TBC1D5: variants seen among roughly 807,000 people sequenced by gnomAD.
TBC1D5 encodes the protein TBC1 domain family, member 5.
TBC1D5 carries 75 observed loss-of-function variants against 100.3 expected under a neutral mutation model. The ratio of observed to expected loss-of-function variants is 0.75; its 90% CI spans 0.62 to 0.91. The LOEUF is 0.91. Among genes scored for constraint, TBC1D5 ranks in the 40% least tolerant of loss-of-function variants. TBC1D5 has a pLI of 0.00. For synonymous variants in TBC1D5, 323 were observed against 325.6 expected, an observed-to-expected ratio of 0.99 and a Z score of 0.09; for missense variants, 910 against 942.4, an observed-to-expected ratio of 0.97 and a Z score of 0.45.
intron 13 of TBC1D5, among the ~76,000 whole-genome samples, chr3:17,343,576 G>A (rs1182439624): frequency 2.0e-5 from 3 of 148,418 alleles, no homozygotes; most frequent in African/African-American, 2.5e-5. Flanking sequence ...GGTAGAATTC[G>A]GCTGTGAATC....
chr3:17,405,175 T>C (rs2093739596), intron 5 of TBC1D5, among the ~76,000 whole-genome samples: 1 of 151,970 alleles, frequency 6.6e-6, no homozygotes, highest in African/African-American at 2.4e-5. Context: ...AAAAGCAAGA[T>C]AACAAAAGCT....
chr3:17,232,278 T>G (rs2075489849), intron 17 of TBC1D5, among the ~76,000 whole-genome samples: 1 of 152,190 alleles, frequency 6.6e-6, no homozygotes, highest in East Asian at 1.9e-4. Flanking sequence ...TAAATTGGGC[T>G]CCATATCCTA....
At chr3:17,345,947 A>G (rs2089799886) in intron 13 of TBC1D5, among the ~76,000 whole-genome samples, 1 of 151,914 alleles carries the variant, frequency 6.6e-6, no homozygotes, top group South Asian at 2.1e-4. Context: ...GAGGGATAGC[A>G]TTAGGAGATA....
intron 21 of TBC1D5, among the ~76,000 whole-genome samples, chr3:17,165,382 T>C (rs1413479324): frequency 6.6e-6 from 1 of 152,198 alleles, no homozygotes; most frequent in African/African-American, 2.4e-5. Context: ...AGAAATGCAT[T>C]GTGGTTGGGC....
intron 13 of TBC1D5, among the ~76,000 whole-genome samples, chr3:17,324,465 A>G (rs2085830521): frequency 6.6e-6 from 1 of 152,154 alleles, no homozygotes; most frequent in African/African-American, 2.4e-5. Flanking sequence ...AACATGGTGA[A>G]GCCTTGTGTC....
chr3:17,178,489 T>G (rs1350171621), intron 19 of TBC1D5, among the ~76,000 whole-genome samples: 1 of 152,142 alleles, frequency 6.6e-6, no homozygotes, highest in Non-Finnish European at 1.5e-5. Flanking sequence ...TGCAGATATC[T>G]CTTCGATATA....
intron 3 of TBC1D5, among the ~76,000 whole-genome samples, chr3:17,463,067 A>C (rs1234690959): frequency 6.6e-6 from 1 of 152,224 alleles, no homozygotes; most frequent in East Asian, 1.9e-4. Flanking sequence ...ACTGGAATTA[A>C]AAGCAAAAAC....
At chr3:17,448,851 CA>C (rs1426047825) in intron 3 of TBC1D5, among the ~76,000 whole-genome samples, 1 of 152,192 alleles carries the variant, frequency 6.6e-6, no homozygotes, top group Non-Finnish European at 1.5e-5. Flanking sequence ...TAAATATCAC[CA>C]ACTACATTAG....
intron 3 of TBC1D5, among the ~76,000 whole-genome samples, chr3:17,445,480 T>C (rs1183449993): frequency 6.6e-6 from 1 of 152,156 alleles, no homozygotes; most frequent in Non-Finnish European, 1.5e-5. Context: ...ATTCAAAAGA[T>C]GGAAAAATTA....
chr3:17,725,274 A>G (rs1301705420), intron 1 of TBC1D5, among the ~76,000 whole-genome samples: 1 of 152,232 alleles, frequency 6.6e-6, no homozygotes, highest in East Asian at 1.9e-4. Context: ...AGGCATCTAA[A>G]ACCACTTTAA....
chr3:17,174,281 A>T (rs1429685504), intron 19 of TBC1D5, among the ~76,000 whole-genome samples: 13 of 151,918 alleles, frequency 8.6e-5, no homozygotes, highest in East Asian at 3.9e-4. Context: ...CTGGCACCAA[A>T]GGTGCCAGGT....
chr3:17,479,950 A>G (rs1449783096), intron 3 of TBC1D5, among the ~76,000 whole-genome samples: 1 of 152,128 alleles, frequency 6.6e-6, no homozygotes, highest in Non-Finnish European at 1.5e-5. Context: ...GCTCCAGACC[A>G]AGGAATCCCT....
chr3:17,574,984 A>G (rs1487972946), intron 2 of TBC1D5, among the ~76,000 whole-genome samples: 1 of 152,016 alleles, frequency 6.6e-6, no homozygotes, highest in Non-Finnish European at 1.5e-5. Context: ...TAAACACAAA[A>G]CACCCTAGGT....
At chr3:17,584,147 G>C (rs2096718058) in intron 2 of TBC1D5, among the ~76,000 whole-genome samples, 1 of 152,184 alleles carries the variant, frequency 6.6e-6, no homozygotes, top group Admixed American at 6.5e-5. Context: ...TAAATCCATA[G>C]AGACAGAACG....
At chr3:17,273,086 G>A (rs184313411) in intron 15 of TBC1D5, among the ~76,000 whole-genome samples, 6 of 151,840 alleles carry the variant, frequency 4.0e-5, no homozygotes, top group African/African-American at 1.2e-4. Flanking sequence ...CCTTCAATGC[G>A]TACCCTAAAT....
At chr3:17,674,953 T>G (rs2068433862) in intron 1 of TBC1D5, among the ~76,000 whole-genome samples, 1 of 152,044 alleles carries the variant, frequency 6.6e-6, no homozygotes, top group African/African-American at 2.4e-5. Flanking sequence ...GAACATAGAA[T>G]AAAGAATCCC....
intron 3 of TBC1D5, among the ~76,000 whole-genome samples, chr3:17,505,896 A>C (rs1165572474): frequency 3.3e-5 from 5 of 152,210 alleles, no homozygotes; most frequent in Non-Finnish European, 7.3e-5. Flanking sequence ...CTCTATTTGA[A>C]AAAACAATTA....
At chr3:17,243,007 C>T (rs748516468) in intron 16 of TBC1D5, among the ~76,000 whole-genome samples, 18 of 152,022 alleles carry the variant, frequency 1.2e-4, no homozygotes, top group Non-Finnish European at 2.4e-4. Flanking sequence ...GGAAATAATG[C>T]GTGTTCAGAT....
At chr3:17,522,268 C>T (rs1372842736) in intron 2 of TBC1D5, among the ~76,000 whole-genome samples, 1 of 152,012 alleles carries the variant, frequency 6.6e-6, no homozygotes, top group African/African-American at 2.4e-5. Flanking sequence ...CACATGTAAA[C>T]TTCTGTCCAT....
Sources: gnomAD v4.1 joint callset for allele counts (sites outside exome capture counted in the v4.1 genomes callset) on GRCh38, gnomAD v4.1.1 for gene constraint, MANE v1.5 for transcripts, NCBI Gene and HGNC (gene_info 2026-07-23, HGNC 2026-07-21) for gene names.